The following LIMCH1 variants were observed in gnomAD, a reference collection of about 807,000 sequenced individuals.
The protein encoded by LIMCH1 is LIM and calponin homology domains 1, also known as LIM and calponin homology domains-containing protein 1.
In LIMCH1, 113 loss-of-function variants were observed where a neutral mutation model predicts 176.5. The observed-to-expected ratio is 0.64, with a 90% CI of 0.55 to 0.75. The LOEUF is 0.75. Among genes scored for constraint, LIMCH1 ranks in the 30% least tolerant of loss-of-function variants. The pLI is 0.00. For missense variants in LIMCH1, 1,674 were observed against 1,814.9 expected, an observed-to-expected ratio of 0.92 and a Z score of 1.41; for synonymous variants, 619 against 645.9, an observed-to-expected ratio of 0.96 and a Z score of 0.63.
At chr4:41,688,042 TACA>T in intron 29 of LIMCH1, 125 bp downstream of exon 29, 1 of 702,968 alleles carries the variant, frequency 1.4e-6, no homozygotes, top group Admixed American at 2.3e-5. Flanking sequence ...CATCTCTTCC[TACA>T]CACACACAGA....
intron 2 of LIMCH1, among the ~76,000 whole-genome samples, chr4:41,523,155 T>C (rs750783307): frequency 2.8e-4 from 43 of 152,212 alleles, no homozygotes; most frequent in Non-Finnish European, 5.3e-4. Flanking sequence ...TATTAAACCA[T>C]TTGAAAAATT....
In LIMCH1 at chr4:41,661,594, T is replaced by G. The variant is rs1206316189; in HGVS notation, c.3127+84T>G. ...GGAAATAGTCAAGAATTTTTCCTAC[T>G]GAGCCACAGGAAAGTAGTAATTAGA... On this transcript the variant is annotated intron_variant, in intron 19 of 31. Coordinates refer to ENST00000503057, the MANE Select transcript of LIMCH1 (RefSeq NM_001330672.2). The G allele has an allele frequency of 4.9e-6, 5 of 1,028,006 alleles. No individual in the cohort carries two copies. The African/African-American group carries it at 8.0e-5, about 17-fold the overall frequency. 63.7% of individuals were successfully genotyped at this position (1,028,006 alleles called of 1,614,324 possible).
chr4:41,631,516 G>A, intron 10 of LIMCH1, 39 bp downstream of exon 10: 3 of 1,433,084 alleles, frequency 2.1e-6, no homozygotes, highest in Non-Finnish European at 2.8e-6. Context: ...ATCTGCATGG[G>A]AGTCACTGCT....
At chr4:41,499,539 G>T (rs905020165) in intron 2 of LIMCH1, among the ~76,000 whole-genome samples, 1 of 152,176 alleles carries the variant, frequency 6.6e-6, no homozygotes, top group Non-Finnish European at 1.5e-5. Context: ...CTAGGATCTG[G>T]CCGGGAGCGA....
chr4:41,585,666 G>A lies in LIMCH1; in HGVS notation c.-240-13254G>A, dbSNP rs373746946. Among the ~76,000 whole-genome samples the A allele has an allele frequency of 3.3e-5, 5 of 152,266 alleles. No individual in the cohort carries two copies. In the East Asian group the frequency reaches 7.7e-4, roughly 23 times the overall value. ...TACATTCTCACCAGCAATGCACAGTGGTTCTAGTTTCTCTGTATTCTCATC... is the reference window on the plus strand; with the variant it reads ...TACATTCTCACCAGCAATGCACAGTAGTTCTAGTTTCTCTGTATTCTCATC... On this transcript the variant is annotated intron_variant, in intron 1 of 31. Coordinates refer to ENST00000503057, the MANE Select transcript of LIMCH1 (RefSeq NM_001330672.2).
At chr4:41,393,672 A>G (rs541397978) in intron 1 of LIMCH1, among the ~76,000 whole-genome samples, 18 of 152,360 alleles carry the variant, frequency 1.2e-4, no homozygotes, top group Admixed American at 1.0e-3. Context: ...TGAATATCTT[A>G]TAACAAATAC....
At chr4:41,393,856 C>T (rs2057519955) in intron 1 of LIMCH1, among the ~76,000 whole-genome samples, 1 of 152,088 alleles carries the variant, frequency 6.6e-6, no homozygotes, top group Non-Finnish European at 1.5e-5. Context: ...CAAAATGTAT[C>T]TTTATCCTCT....
chr4:41,400,001 T>C, intron 1 of LIMCH1, among the ~76,000 whole-genome samples: 1 of 150,972 alleles, frequency 6.6e-6, no homozygotes. Context: ...ACTCTTTTCA[T>C]TTCCATTTTT....
chr4:41,423,113 A>C lies in LIMCH1; in HGVS notation c.96+62177A>C, dbSNP rs1293390725. ...GCAGCAGCCACAATGAAATCAATGA[A>C]TGCCCTTCTGAGGGGACTACTGTGA... On this transcript the variant is annotated intron_variant, in intron 1 of 26. Transcript: ENST00000313860. Among the ~76,000 whole-genome samples, 4 of 152,186 alleles carry C rather than the reference A, an allele frequency of 2.6e-5. No homozygotes were observed. In the South Asian group the frequency reaches 8.3e-4, roughly 32 times the overall value.
At chr4:41,581,805 C>CAAAAAA (rs56150312) in intron 1 of LIMCH1, among the ~76,000 whole-genome samples, 35 of 76,168 alleles carry the variant, frequency 4.6e-4, no homozygotes, top group African/African-American at 9.0e-4. Flanking sequence ...GACTCTGTCT[C>CAAAAAA]AAAAAAAAAA....
intron 1 of LIMCH1, among the ~76,000 whole-genome samples, chr4:41,390,781 G>A (rs13114802): frequency 0.44 from 66,723 of 151,960 alleles, 17,902 homozygotes; most frequent in African/African-American, 0.77. Context: ...AATATTACCT[G>A]TAAGTGTGGG....
At chr4:41,388,487 TAAC>T in intron 1 of LIMCH1, among the ~76,000 whole-genome samples, 1 of 152,326 alleles carries the variant, frequency 6.6e-6, no homozygotes, top group African/African-American at 2.4e-5. Context: ...GTGTAACCAT[TAAC>T]TGCTCATGGG....
chr4:41,531,887 A>G (rs577044629), intron 3 of LIMCH1, among the ~76,000 whole-genome samples: 1 of 152,316 alleles, frequency 6.6e-6, no homozygotes, highest in East Asian at 1.9e-4. Flanking sequence ...GGGAACAAGT[A>G]AAAACTGGTA....
chr4:41,420,641 G>T (rs914184788), intron 1 of LIMCH1, among the ~76,000 whole-genome samples: 2 of 152,190 alleles, frequency 1.3e-5, no homozygotes, highest in African/African-American at 4.8e-5. Flanking sequence ...CCCCAAGGAG[G>T]TGAGATGCAG....
At chr4:41,481,908 T>C (rs1023102765) in intron 1 of LIMCH1, among the ~76,000 whole-genome samples, 1 of 151,598 alleles carries the variant, frequency 6.6e-6, no homozygotes, top group Non-Finnish European at 1.5e-5. Flanking sequence ...TGGAGTGCAG[T>C]GGTGCAATCT....
chr4:41,427,771 A>G (rs745657093), intron 1 of LIMCH1, among the ~76,000 whole-genome samples: 21 of 152,210 alleles, frequency 1.4e-4, no homozygotes, highest in Non-Finnish European at 2.6e-4. Flanking sequence ...CCAAAACAGG[A>G]CGTCTTCCTT....
chr4:41,646,953 A>G, intron 17 of LIMCH1, 60 bp downstream of exon 17: 1 of 1,435,844 alleles, frequency 7.0e-7, no homozygotes, highest in Non-Finnish European at 9.6e-7. Context: ...GATGGAAAGA[A>G]GCATCATGAC....
At chr4:41,506,890 A>G (rs1389121464) in intron 2 of LIMCH1, among the ~76,000 whole-genome samples, 1 of 152,212 alleles carries the variant, frequency 6.6e-6, no homozygotes, top group Non-Finnish European at 1.5e-5. Context: ...AATACAGACT[A>G]CACAGGTTAA....
At chr4:41,665,266 T>G (rs1044109897) in intron 20 of LIMCH1, among the ~76,000 whole-genome samples, 5 of 152,218 alleles carry the variant, frequency 3.3e-5, no homozygotes, top group Non-Finnish European at 7.3e-5. Context: ...TGATGACCCT[T>G]AACTGTTTCA....
Sources: gnomAD v4.1 joint callset for allele counts (sites outside exome capture counted in the v4.1 genomes callset) on GRCh38, gnomAD v4.1.1 for gene constraint, MANE v1.5 for transcripts, NCBI Gene and HGNC (gene_info 2026-07-23, HGNC 2026-07-21) for gene names.